Variants in JAKMIP2 observed in about 807,000 individuals in gnomAD.
JAKMIP2 encodes the protein janus kinase and microtubule interacting protein 2, also known as janus kinase and microtubule-interacting protein 2.
Under a neutral mutation model 115.0 loss-of-function variants are expected in JAKMIP2, and 25 were observed. The observed-to-expected ratio is 0.22, with a 90% CI of 0.16 to 0.30. The LOEUF is 0.30. Ranked by LOEUF, JAKMIP2 falls within the 10% of genes least tolerant of loss-of-function variation. The pLI, the probability that JAKMIP2 is intolerant of heterozygous loss-of-function variation, is 1.00. For synonymous variants in JAKMIP2, 334 were observed against 343.6 expected (o/e 0.97, Z 0.31); for missense variants, 642 against 957.6 (o/e 0.67, Z 4.35).
At chr5:147,613,163 T>C (rs1349856371) in intron 19 of JAKMIP2, among the ~76,000 whole-genome samples, 2 of 152,218 alleles carry the variant, frequency 1.3e-5, no homozygotes, top group Non-Finnish European at 2.9e-5. Context: ...AAATCAACAT[T>C]ACATAACAAC....
intron 1 of JAKMIP2, among the ~76,000 whole-genome samples, chr5:147,738,058 C>T (rs1025107095): frequency 3.3e-5 from 5 of 151,932 alleles, no homozygotes; most frequent in South Asian, 2.1e-4. Context: ...TGTGAGCACA[C>T]GTTTGAGAGA....
intron 1 of JAKMIP2, among the ~76,000 whole-genome samples, chr5:147,690,427 A>G (rs1342363031): frequency 1.3e-5 from 2 of 151,344 alleles, no homozygotes; most frequent in East Asian, 1.9e-4. Context: ...TTAAAAACAC[A>G]TAGGAAGATC....
At chr5:147,766,001 T>C (rs1420691989) in intron 1 of JAKMIP2, among the ~76,000 whole-genome samples, 1 of 152,162 alleles carries the variant, frequency 6.6e-6, no homozygotes, top group Non-Finnish European at 1.5e-5. Context: ...TTTTATGCAG[T>C]TTTATACTTT....
At chr5:147,768,957 G>C (rs1755250060) in intron 1 of JAKMIP2, among the ~76,000 whole-genome samples, 1 of 152,052 alleles carries the variant, frequency 6.6e-6, no homozygotes, top group South Asian at 2.1e-4. Flanking sequence ...CATACACCTA[G>C]TATGAAAACA....
chr5:147,648,652 C>T (rs1268008775), intron 4 of JAKMIP2, among the ~76,000 whole-genome samples, 178 bp from the exon 5 acceptor site: 6 of 152,146 alleles, frequency 3.9e-5, no homozygotes, highest in Admixed American at 3.9e-4. Context: ...TCTCAATATT[C>T]ACCACTTGGG....
At chr5:147,712,720 A>T (rs902505120) in intron 1 of JAKMIP2, among the ~76,000 whole-genome samples, 3 of 152,114 alleles carry the variant, frequency 2.0e-5, no homozygotes, top group African/African-American at 7.2e-5. Flanking sequence ...CTTAATTTTG[A>T]CATCGTAACC....
intron 21 of JAKMIP2, among the ~76,000 whole-genome samples, chr5:147,596,175 C>T (rs1755381101): frequency 6.6e-6 from 1 of 151,424 alleles, no homozygotes; most frequent in African/African-American, 2.4e-5. Flanking sequence ...GCTTTGTTGG[C>T]CAAGTTAAAA....
At chr5:147,605,160 G>GT (rs1293908111) in intron 20 of JAKMIP2, among the ~76,000 whole-genome samples, 3 of 149,420 alleles carry the variant, frequency 2.0e-5, no homozygotes, top group African/African-American at 7.4e-5. Flanking sequence ...CAAACTCATC[G>GT]TTTTTTATGG....
chr5:147,749,363 C>T (rs1308273037), intron 1 of JAKMIP2, among the ~76,000 whole-genome samples: 1 of 152,116 alleles, frequency 6.6e-6, no homozygotes, highest in African/African-American at 2.4e-5. Context: ...CTTTTTAATC[C>T]TTATTTTATA....
intron 1 of JAKMIP2, among the ~76,000 whole-genome samples, chr5:147,726,677 T>G (rs1753531179): frequency 6.6e-6 from 1 of 152,254 alleles, no homozygotes; most frequent in East Asian, 1.9e-4. Context: ...AGCCCACTGT[T>G]AAAGCCAGCC....
At chr5:147,701,452 A>C (rs368999310) in intron 1 of JAKMIP2, among the ~76,000 whole-genome samples, 1 of 152,182 alleles carries the variant, frequency 6.6e-6, no homozygotes, top group South Asian at 2.1e-4. Context: ...ATACGTTGAA[A>C]TCTAACCCCT....
At chr5:147,722,884 C>T (rs2126948071) in intron 1 of JAKMIP2, among the ~76,000 whole-genome samples, 1 of 152,232 alleles carries the variant, frequency 6.6e-6, no homozygotes, top group Non-Finnish European at 1.5e-5. Flanking sequence ...TATCCCTCTG[C>T]ATCCCCATTT....
intron 10 of JAKMIP2, 74 bp from the exon 11 acceptor site, chr5:147,637,122 A>T: frequency 1.3e-6 from 1 of 799,996 alleles, no homozygotes; most frequent in Non-Finnish European, 2.2e-6. Flanking sequence ...GAACTCAACA[A>T]GTAAGAGAGA....
At chr5:147,634,579 G>A (rs1372148681) in intron 12 of JAKMIP2, among the ~76,000 whole-genome samples, 2 of 152,132 alleles carry the variant, frequency 1.3e-5, no homozygotes, top group Admixed American at 6.5e-5. Flanking sequence ...AGTGGTTAAC[G>A]AAACAATTAG....
intron 1 of JAKMIP2, among the ~76,000 whole-genome samples, chr5:147,690,391 C>G (rs1751770548): frequency 6.6e-6 from 1 of 151,478 alleles, no homozygotes; most frequent in African/African-American, 2.4e-5. Context: ...GTGGTATGTC[C>G]AGTCTATAAA....
intron 20 of JAKMIP2, among the ~76,000 whole-genome samples, chr5:147,609,749 C>T (rs1314233125): frequency 2.0e-5 from 3 of 152,118 alleles, no homozygotes; most frequent in Non-Finnish European, 4.4e-5. Context: ...GAAGTTCTCC[C>T]GGATAATTTC....
intron 1 of JAKMIP2, among the ~76,000 whole-genome samples, chr5:147,743,532 C>A (rs539057797): frequency 3.3e-5 from 5 of 152,246 alleles, no homozygotes; most frequent in Non-Finnish European, 5.9e-5. Flanking sequence ...CACACAGAAA[C>A]CTGGATTAGT....
At chr5:147,774,243 A>G (rs981715255) in intron 1 of JAKMIP2, among the ~76,000 whole-genome samples, 3 of 152,190 alleles carry the variant, frequency 2.0e-5, no homozygotes, top group Non-Finnish European at 2.9e-5. Context: ...AACTGAGAAG[A>G]TGATGGAGAA....
At chr5:147,724,805 C>T (rs1201195217) in intron 1 of JAKMIP2, among the ~76,000 whole-genome samples, 1 of 152,036 alleles carries the variant, frequency 6.6e-6, no homozygotes, top group Non-Finnish European at 1.5e-5. Flanking sequence ...TTTTCTTTTC[C>T]TTTTTAATCA....
Sources: gnomAD v4.1 joint callset for allele counts (sites outside exome capture counted in the v4.1 genomes callset) on GRCh38, gnomAD v4.1.1 for gene constraint, MANE v1.5 for transcripts, NCBI Gene and HGNC (gene_info 2026-07-23, HGNC 2026-07-21) for gene names.